The following MAML2 variants were observed in gnomAD, a reference collection of about 807,000 sequenced individuals.
MAML2 encodes mastermind like transcriptional coactivator 2.
Under a neutral mutation model 96.1 loss-of-function variants are expected in MAML2, and 22 were observed. The observed-to-expected ratio is 0.23, with a 90% CI of 0.16 to 0.33. MAML2 has a LOEUF of 0.33. Ranked by LOEUF, MAML2 falls within the 10% of genes least tolerant of loss-of-function variation. The pLI is 1.00. For missense variants in MAML2, 1,367 were observed against 1,392.4 expected, an observed-to-expected ratio of 0.98 and a Z score of 0.29; for synonymous variants, 561 against 521.3, an observed-to-expected ratio of 1.08 and a Z score of -1.04.
intron 1 of MAML2, among the ~76,000 whole-genome samples, chr11:96,153,545 A>C (rs1178826968): frequency 3.9e-5 from 6 of 152,168 alleles, no homozygotes; most frequent in Non-Finnish European, 7.3e-5. Context: ...GGTTTTTGAC[A>C]TTCTCTCAAA....
intron 1 of MAML2, among the ~76,000 whole-genome samples, chr11:96,146,559 G>A (rs1454833337): frequency 6.6e-6 from 1 of 152,162 alleles, no homozygotes; most frequent in Non-Finnish European, 1.5e-5. Flanking sequence ...ATCTTCAACT[G>A]TGTGAGCTGA....
At chr11:96,340,781 A>G (rs1036391806) in intron 1 of MAML2, among the ~76,000 whole-genome samples, 3 of 152,162 alleles carry the variant, frequency 2.0e-5, no homozygotes, top group Non-Finnish European at 2.9e-5. Context: ...TAGGCCTCTT[A>G]AGAAACAGTG....
At chr11:96,206,335 T>C (rs1861895565) in intron 1 of MAML2, among the ~76,000 whole-genome samples, 4 of 152,194 alleles carry the variant, frequency 2.6e-5, no homozygotes, top group Admixed American at 2.6e-4. Context: ...CGGTGGCTCA[T>C]GCCTGTAATC....
At chr11:96,147,549 G>C (rs1203597451) in intron 1 of MAML2, among the ~76,000 whole-genome samples, 1 of 152,176 alleles carries the variant, frequency 6.6e-6, no homozygotes, top group Non-Finnish European at 1.5e-5. Context: ...GAAACTTTTG[G>C]ATTCGACTCT....
intron 1 of MAML2, among the ~76,000 whole-genome samples, chr11:96,301,041 T>C (rs1409596663): frequency 6.6e-6 from 1 of 152,202 alleles, no homozygotes; most frequent in Non-Finnish European, 1.5e-5. Context: ...ACTCAATAAC[T>C]GTTCATTAGT....
intron 1 of MAML2, among the ~76,000 whole-genome samples, chr11:96,155,990 G>A (rs1025502511): frequency 8.5e-5 from 13 of 152,050 alleles, no homozygotes; most frequent in African/African-American, 2.4e-4. Flanking sequence ...ACTTCACTAC[G>A]TAAAACCCAC....
chr11:95,994,837 A>G (rs1180869656), intron 2 of MAML2, among the ~76,000 whole-genome samples: 1 of 152,134 alleles, frequency 6.6e-6, no homozygotes, highest in African/African-American at 2.4e-5. Context: ...TTTTCTTTTC[A>G]TCTTCTTTGC....
intron 1 of MAML2, among the ~76,000 whole-genome samples, chr11:96,335,742 G>T (rs983043973): frequency 7.2e-5 from 11 of 152,142 alleles, no homozygotes; most frequent in Non-Finnish European, 1.3e-4. Context: ...ATTTTCCAGG[G>T]CTTCTGATTT....
intron 1 of MAML2, among the ~76,000 whole-genome samples, chr11:96,251,516 G>C (rs948771857): frequency 6.6e-6 from 1 of 152,188 alleles, no homozygotes; most frequent in Non-Finnish European, 1.5e-5. Flanking sequence ...TCTGGAAACT[G>C]CCTGTATTGT....
chr11:96,012,015 T>C (rs887225491), intron 2 of MAML2, among the ~76,000 whole-genome samples: 1 of 152,220 alleles, frequency 6.6e-6, no homozygotes, highest in East Asian at 1.9e-4. Flanking sequence ...AAAATCTACT[T>C]TTATTTACGT....
chr11:96,103,772 C>T (rs1438121186), intron 1 of MAML2, among the ~76,000 whole-genome samples: 1 of 152,204 alleles, frequency 6.6e-6, no homozygotes, highest in Non-Finnish European at 1.5e-5. Context: ...CATTCAGTGA[C>T]TCTGACCCCA....
chr11:96,010,449 A>G lies in MAML2; in HGVS notation c.2140-18726T>C, dbSNP rs572306068. On this transcript the variant is annotated intron_variant, in intron 2 of 4. Coordinates refer to ENST00000524717, the MANE Select transcript of MAML2 (RefSeq NM_032427.4). ...CAAGAGACAGGTCCTTGGGTTAGAC[A>G]GAATCACTTCTGGGATCAAGTGGAA... Among the ~76,000 whole-genome samples, 77 of 152,332 alleles carry G rather than the reference A, an allele frequency of 5.1e-4. 1 individual carries two copies. Among genetic ancestry groups the G allele is most frequent in the Non-Finnish European group, 1.0e-3 (68 of 68,030 alleles).
In MAML2 at chr11:96,337,590, C is replaced by T. The variant is rs563489503; in HGVS notation, c.513+3793G>A. Among the ~76,000 whole-genome samples, 21 of 152,332 alleles carry T rather than the reference C, an allele frequency of 1.4e-4. No homozygotes were observed. The South Asian group carries it at 3.9e-3, about 29-fold the overall frequency. On this transcript the variant is annotated intron_variant, in intron 1 of 4. Coordinates refer to ENST00000524717, the MANE Select transcript of MAML2 (RefSeq NM_032427.4). ...CTCCAAAGACTTTCATAGCATTGCA[C>T]TAGGATTTCCTGGGACCTTCAGGAA...
intron 1 of MAML2, among the ~76,000 whole-genome samples, chr11:96,227,445 C>T (rs1862230197): frequency 6.6e-6 from 1 of 152,302 alleles, no homozygotes; most frequent in African/African-American, 2.4e-5. Context: ...CTCTCATCCT[C>T]CTGTTTCAGC....
chr11:96,173,782 T>A (rs1163011460), intron 1 of MAML2, among the ~76,000 whole-genome samples: 1 of 152,240 alleles, frequency 6.6e-6, no homozygotes, highest in Non-Finnish European at 1.5e-5. Context: ...AACATCATTA[T>A]GTACTCCTCA....
intron 1 of MAML2, among the ~76,000 whole-genome samples, chr11:96,250,570 A>G (rs969128018): frequency 1.3e-5 from 2 of 152,236 alleles, no homozygotes; most frequent in African/African-American, 4.8e-5. Flanking sequence ...CAGTTAGAAG[A>G]GTAGTGCTTG....
intron 1 of MAML2, among the ~76,000 whole-genome samples, chr11:96,309,618 T>C (rs898088829): frequency 2.0e-5 from 3 of 152,012 alleles, no homozygotes; most frequent in Non-Finnish European, 4.4e-5. Context: ...CTCAATTTGC[T>C]CAGTTAATAA....
At chr11:96,103,669 C>T (rs745470780) in intron 1 of MAML2, among the ~76,000 whole-genome samples, 1 of 152,146 alleles carries the variant, frequency 6.6e-6, no homozygotes, top group Non-Finnish European at 1.5e-5. Flanking sequence ...CTATCCTGTC[C>T]TTCCCTGTCT....
chr11:96,274,444 T>G (rs1862959641), intron 1 of MAML2, among the ~76,000 whole-genome samples: 1 of 152,210 alleles, frequency 6.6e-6, no homozygotes. Flanking sequence ...TCTCTTTCTC[T>G]CTACTATAGC....
Sources: gnomAD v4.1 joint callset for allele counts (sites outside exome capture counted in the v4.1 genomes callset) on GRCh38, gnomAD v4.1.1 for gene constraint, MANE v1.5 for transcripts, NCBI Gene and HGNC (gene_info 2026-07-23, HGNC 2026-07-21) for gene names.